WSCD2: variants seen among roughly 807,000 people sequenced by gnomAD.
WSCD2 encodes WSC domain sialate O sulfotransferase 2.
WSCD2 carries 28 observed loss-of-function variants against 55.7 expected under a neutral mutation model. The observed-to-expected ratio is 0.50, with a 90% confidence interval of 0.37 to 0.69. WSCD2 has a LOEUF of 0.69. Among genes scored for constraint, WSCD2 ranks in the 30% least tolerant of loss-of-function variants. The pLI is 0.00. For missense variants in WSCD2, 616 were observed against 762.1 expected (o/e 0.81, Z 2.26); for synonymous variants, 301 against 301.9 (o/e 1.00, Z 0.03).
Position 108,197,766 on chromosome 12 carries a change from C to T in WSCD2, c.382+1552C>T, listed in dbSNP as rs139453903. Among the ~76,000 whole-genome samples, 21 of 152,020 alleles carry T rather than the reference C, an allele frequency of 1.4e-4. No individual in the cohort carries two copies. The East Asian group carries it at 4.1e-3, about 29-fold the overall frequency. On this transcript the variant is annotated intron_variant, in intron 2 of 8. Transcript: ENST00000547525. ...CCAGCCAGCACCTTGAGATATGGTC[C>T]CCATAATGCTTAGGACAAATTCCAG...
chr12:108,132,022 A>C (rs1225229769), intron 1 of WSCD2, among the ~76,000 whole-genome samples: 2 of 152,118 alleles, frequency 1.3e-5, no homozygotes, highest in African/African-American at 4.8e-5. Flanking sequence ...TGGGGAAAGA[A>C]GTGTCTTACA....
intron 4 of WSCD2, among the ~76,000 whole-genome samples, chr12:108,214,720 A>G (rs1010552590): frequency 2.0e-5 from 3 of 152,180 alleles, no homozygotes; most frequent in African/African-American, 4.8e-5. Context: ...TAAAACCCCA[A>G]TGATGGCAAA....
At chr12:108,133,638 T>C (rs909968634) in intron 1 of WSCD2, among the ~76,000 whole-genome samples, 1 of 152,178 alleles carries the variant, frequency 6.6e-6, no homozygotes, top group Admixed American at 6.5e-5. Flanking sequence ...ACCTTCCGAG[T>C]GTTGATTCAG....
chr12:108,150,285 G>T (rs1877839276), intron 1 of WSCD2, among the ~76,000 whole-genome samples: 1 of 152,076 alleles, frequency 6.6e-6, no homozygotes, highest in Non-Finnish European at 1.5e-5. Flanking sequence ...TTTCCCCTCT[G>T]GGCAGAGAAT....
At chr12:108,169,995 C>A (rs547934763) in intron 1 of WSCD2, among the ~76,000 whole-genome samples, 77 of 152,180 alleles carry the variant, frequency 5.1e-4, no homozygotes, top group Non-Finnish European at 9.4e-4. Context: ...AGAGACTGTG[C>A]TCCCAAAGCC....
chr12:108,222,733 A>G (rs1887672742), intron 4 of WSCD2, among the ~76,000 whole-genome samples: 2 of 152,192 alleles, frequency 1.3e-5, no homozygotes, highest in African/African-American at 4.8e-5. Context: ...GCCTCAAGCA[A>G]TCCTCCTGCC....
intron 1 of WSCD2, among the ~76,000 whole-genome samples, chr12:108,143,526 C>T (rs1877074551): frequency 6.6e-6 from 1 of 152,218 alleles, no homozygotes; most frequent in Non-Finnish European, 1.5e-5. Context: ...ATCTAGTCCC[C>T]ATCTCAGAGC....
chr12:108,147,535 T>C (rs1012341665), intron 1 of WSCD2, among the ~76,000 whole-genome samples: 7 of 152,088 alleles, frequency 4.6e-5, no homozygotes, highest in African/African-American at 9.7e-5. Context: ...CAAGGGACGC[T>C]TGGATTGGGC....
intron 1 of WSCD2, among the ~76,000 whole-genome samples, chr12:108,131,015 G>C (rs747205023): frequency 6.6e-6 from 1 of 152,202 alleles, no homozygotes; most frequent in Non-Finnish European, 1.5e-5. Flanking sequence ...CTTGGGCTGG[G>C]CATCTGCCTC....
intron 1 of WSCD2, among the ~76,000 whole-genome samples, chr12:108,172,295 A>G (rs569093387): frequency 6.6e-6 from 1 of 152,340 alleles, no homozygotes; most frequent in Admixed American, 6.5e-5. Flanking sequence ...ATACCCAATT[A>G]TCACAAAAGT....
intron 6 of WSCD2, among the ~76,000 whole-genome samples, chr12:108,230,119 C>T (rs1362282516): frequency 2.6e-5 from 4 of 152,256 alleles, no homozygotes; most frequent in Non-Finnish European, 4.4e-5. Context: ...TGAAGTAACA[C>T]TTCCATAGAG....
At chr12:108,232,252 G>A (rs1362106372) in intron 6 of WSCD2, among the ~76,000 whole-genome samples, 1 of 152,176 alleles carries the variant, frequency 6.6e-6, no homozygotes, top group African/African-American at 2.4e-5. Context: ...TGTAAAATGG[G>A]TTGGGAGGTG....
chr12:108,232,672 T>G, intron 6 of WSCD2, 59 bp from the exon 7 acceptor site: 1 of 1,519,610 alleles, frequency 6.6e-7, no homozygotes, highest in Non-Finnish European at 8.9e-7. Flanking sequence ...CCCTGGCCCT[T>G]TCAGACAGGC....
rs1890239784 is a variant in WSCD2 at position 108,248,449 on chromosome 12, G to A, written c.*106G>A. The A allele has an allele frequency of 1.1e-5, 16 of 1,462,736 alleles. No individual in the cohort carries two copies. Among genetic ancestry groups the A allele is most frequent in the Non-Finnish European group, 1.4e-5 (16 of 1,108,490 alleles). The allele number at this position is 1,462,736 out of a possible 1,614,324, so 90.6% of individuals were successfully genotyped here. A position where few individuals can be genotyped will look rare whatever the true frequency, so the allele number is the denominator to read the frequency against. On this transcript the variant is annotated 3_prime_UTR_variant, in exon 9 of 9. Coordinates refer to ENST00000547525, the MANE Select transcript of WSCD2 (RefSeq NM_014653.4). The surrounding 1 kb of genome is among the most constrained non-coding windows in gnomAD (Gnocchi z 4.3). ...TCATCTGTCCTCTCTTTGGTCTGGGGACAATCCCCTTGGCTGCTCTTTGCC... is the reference window on the plus strand; with the variant it reads ...TCATCTGTCCTCTCTTTGGTCTGGGAACAATCCCCTTGGCTGCTCTTTGCC...
At position 108,248,654 on chromosome 12, in the gene WSCD2, G is replaced by T; in HGVS notation, c.*311G>T. 1 of 1,104,660 alleles carries T rather than the reference G, an allele frequency of 9.1e-7. No homozygotes were observed. The allele number at this position is 1,104,660 out of a possible 1,614,324, so 68.4% of individuals were successfully genotyped here. ...CCCACCACTCTGGGTTCCATTTGTG[G>T]GAGGGAGGGCTCATCCACATCATGG... On this transcript the variant is annotated 3_prime_UTR_variant, in exon 9 of 9. Transcript: ENST00000547525. This position sits in a 1 kb window ranked among gnomAD's most constrained non-coding sequence, Gnocchi z 4.3.
rs371724221 is a variant in WSCD2, at chr12:108,227,054, C to T, written c.869C>T (p.Pro290Leu). The T allele has an allele frequency of 8.1e-5, 130 of 1,614,110 alleles. No individual in the cohort carries two copies. Among genetic ancestry groups the T allele is most frequent in the Non-Finnish European group, 1.1e-4 (125 of 1,180,034 alleles). The change falls in exon 6 of 9, where the codon CCG (proline) becomes CTG (leucine). Residue 290 changes from proline (P) to leucine (L), a missense_variant. Pro to Leu is a moderately conservative substitution (Grantham distance 98, BLOSUM62 -3). This residue lies in a region of WSCD2 where 374 missense variants were observed against 467.4 expected (regional missense o/e 0.80). Transcript: ENST00000547525. Reference sequence around the variant, plus strand: ...TGTGGGTTTCCCACCACCCGATTCCCGCTCCATGACAGAGAGGATGAGCAG... The same window carrying T: ...TGTGGGTTTCCCACCACCCGATTCCTGCTCCATGACAGAGAGGATGAGCAG... Reference protein sequence around the residue: ...CHCGFPTTRFPLHDREDEQLC... With the variant: ...CHCGFPTTRFLLHDREDEQLC...
chr12:108,148,137 G>T (rs1877591252), intron 1 of WSCD2, among the ~76,000 whole-genome samples: 1 of 152,182 alleles, frequency 6.6e-6, no homozygotes, highest in South Asian at 2.1e-4. Flanking sequence ...TCTTTGTGTG[G>T]CGTGGGGCCG....
At chr12:108,246,336 C>T (rs2137250176) in intron 8 of WSCD2, among the ~76,000 whole-genome samples, 1 of 152,350 alleles carries the variant, frequency 6.6e-6, no homozygotes, top group South Asian at 2.1e-4. Flanking sequence ...GGGGGACTCA[C>T]CACCCTCGTT....
rs761579636 is a variant in WSCD2, at chr12:108,136,757, GCT to G, written c.-552+6834_-552+6835del. 3.3e-5 allele frequency among the ~76,000 whole-genome samples: 5 copies of G among 150,586 alleles called. No individual in the cohort carries two copies. In the South Asian group the frequency reaches 1.0e-3, roughly 31 times the overall value. On this transcript the variant is annotated intron_variant, in intron 1 of 8. Coordinates refer to ENST00000547525, the MANE Select transcript of WSCD2 (RefSeq NM_014653.4). Reference sequence around the variant, plus strand: ...CAGCTACTCCTCCCGCTGCCTCCCCGCTCTGTCTTTCCCAGGTGGGGGTGATG... The same window carrying G: ...CAGCTACTCCTCCCGCTGCCTCCCCGCTGTCTTTCCCAGGTGGGGGTGATG...
Sources: gnomAD v4.1 joint callset for allele counts (sites outside exome capture counted in the v4.1 genomes callset) on GRCh38, gnomAD v4.1.1 for gene constraint, gnomAD v4.1.1 regional missense constraint, Gnocchi (gnomAD v3.1) non-coding constraint, MANE v1.5 for transcripts, NCBI Gene and HGNC (gene_info 2026-07-23, HGNC 2026-07-21) for gene names.